Variants in ABHD16A observed in about 807,000 individuals in gnomAD.
ABHD16A encodes abhydrolase domain containing 16A, phospholipase, also known as phosphatidylserine lipase ABHD16A.
Under a neutral mutation model 89.8 loss-of-function variants are expected in ABHD16A, and 47 were observed. The ratio of observed to expected loss-of-function variants is 0.52; its 90% confidence interval spans 0.41 to 0.67. The LOEUF (loss-of-function observed/expected upper bound fraction) is 0.67. Ranked by LOEUF, ABHD16A falls within the 30% of genes least tolerant of loss-of-function variation. The pLI is 0.00. For missense variants in ABHD16A, 580 were observed against 734.6 expected, an observed-to-expected ratio of 0.79 and a Z score of 2.43; for synonymous variants, 251 against 280.4, an observed-to-expected ratio of 0.90 and a Z score of 1.05.
At chr6:31,703,061 A>G (rs1246680407) in intron 1 of ABHD16A, 89 bp downstream of exon 1, 2 of 1,371,336 alleles carry the variant, frequency 1.5e-6, no homozygotes, top group South Asian at 2.1e-5. Context: ...GGCTCCCCTT[A>G]TTTCCCATTA....
chr6:31,701,908 T>C (rs1805044441), intron 2 of ABHD16A, among the ~76,000 whole-genome samples, 166 bp downstream of exon 2: 1 of 152,164 alleles, frequency 6.6e-6, no homozygotes, highest in African/African-American at 2.4e-5. Flanking sequence ...GTGCCAAGTA[T>C]GCACATTTAG....
rs528237168 is a variant in ABHD16A at position 31,691,817 on chromosome 6, C to A, written c.728G>T (p.Arg243Leu). ...GGGAAGCCTCACCTCTTCCACCAGT[C>A]GGGCCTGGCCCTGCAGCAGCACAGG... ...LMPVLLQGQA[R>L]LVEECNGRRA... is the part of the protein sequence containing the mutation. The change falls in exon 8 of 20, where the codon CGA becomes CTA. Residue 243 changes from arginine (R) to leucine (L), a missense_variant. By Grantham distance (102) the Arg-to-Leu change is moderately radical (BLOSUM62 -2). Coordinates refer to ENST00000395952, the MANE Select transcript of ABHD16A (RefSeq NM_021160.3). The A allele has an allele frequency of 6.2e-7, 1 of 1,609,366 alleles. No individual in the cohort carries two copies.
chr6:31,692,983 G>A (rs1448720822), intron 7 of ABHD16A, 44 bp downstream of exon 7: 1 of 1,614,054 alleles, frequency 6.2e-7, no homozygotes, highest in South Asian at 1.1e-5. Context: ...CTCCTGAAAT[G>A]GCCCCTCCAC....
chr6:31,688,890 G>A lies in ABHD16A; in HGVS notation c.1187-104C>T. 3 of 1,430,140 alleles carry A rather than the reference G, an allele frequency of 2.1e-6. No individual in the cohort carries two copies. Among genetic ancestry groups the A allele is most frequent in the Non-Finnish European group, 2.9e-6 (3 of 1,036,914 alleles). 88.6% of individuals were successfully genotyped at this position (1,430,140 alleles called of 1,614,324 possible). A position where few individuals can be genotyped will look rare whatever the true frequency, so the allele number is the denominator to read the frequency against. On this transcript the variant is annotated intron_variant, in intron 13 of 19. Transcript: ENST00000395952. This position sits in a 1 kb window ranked among gnomAD's most constrained non-coding sequence, Gnocchi z 4.9. ...AGAAAACTGAGGCCCCCAGACAAAG[G>A]AGTCCTCCTGCTTCCAACAATGGGG...
chr6:31,695,063 G>C (rs897459507), intron 5 of ABHD16A, among the ~76,000 whole-genome samples: 7 of 152,130 alleles, frequency 4.6e-5, no homozygotes, highest in Non-Finnish European at 1.5e-5. Context: ...AAATGCTTCA[G>C]CCAGTAGCAT....
Position 31,688,961 on chromosome 6 carries a change from C to T in ABHD16A, c.1186+54G>A. ...AAAAGGGAGCCATCTCAGAACAGTT[C>T]CCAGTTCCAGCCCACCCCTTCCCAG... is the stretch of plus-strand genomic sequence containing the variant. On this transcript the variant is annotated intron_variant, in intron 13 of 19. Transcript: ENST00000395952. The surrounding 1 kb of genome is among the most constrained non-coding windows in gnomAD (Gnocchi z 4.9). The T allele has an allele frequency of 6.5e-7, 1 of 1,547,374 alleles. No individual in the cohort carries two copies. Among genetic ancestry groups the T allele is most frequent in the East Asian group, 2.3e-5 (1 of 44,012 alleles).
chr6:31,690,728 C>A lies in ABHD16A; in HGVS notation c.844-126G>T. 1 of 807,166 alleles carries A rather than the reference C, an allele frequency of 1.2e-6. No homozygotes were observed. Among genetic ancestry groups the A allele is most frequent in the Non-Finnish European group, 2.1e-6 (1 of 480,946 alleles). 50.0% of individuals were successfully genotyped at this position (807,166 alleles called of 1,614,324 possible). ...GGAAAGGGCAGGTTTCTGTTTTCTC[C>A]AAGGGGAATGGAAGCTTCTCATTCC... On this transcript the variant is annotated intron_variant, in intron 9 of 19. Transcript: ENST00000395952. The surrounding 1 kb of genome is among the most constrained non-coding windows in gnomAD (Gnocchi z 4.1).
At chr6:31,702,312 T>C (rs954802974) in intron 1 of ABHD16A, among the ~76,000 whole-genome samples, 182 bp from the exon 2 acceptor site, 3 of 152,124 alleles carry the variant, frequency 2.0e-5, no homozygotes, top group African/African-American at 7.2e-5. Context: ...TTCCCACCCC[T>C]GACCATGGGA....
At position 31,688,019 on chromosome 6, in the gene ABHD16A, G is replaced by A. The variant is rs138712884; in HGVS notation, c.1370+22C>T. On this transcript the variant is annotated intron_variant, in intron 16 of 19. Transcript: ENST00000395952. This position sits in a 1 kb window ranked among gnomAD's most constrained non-coding sequence, Gnocchi z 4.9. Reference sequence around the variant, plus strand: ...TCTGTGTGTGTACACTGCCCCCAGCGCGCACACACCCTGGCTCTCACCGAT... The same window carrying A: ...TCTGTGTGTGTACACTGCCCCCAGCACGCACACACCCTGGCTCTCACCGAT... 327 of 1,611,658 alleles carry A rather than the reference G, an allele frequency of 2.0e-4. 1 individual carries two copies. In the East Asian group the frequency reaches 5.6e-3, roughly 28 times the overall value.
Position 31,690,102 on chromosome 6 carries a change from A to T in ABHD16A, c.933T>A (p.Asn311Lys). 6.2e-7 allele frequency: 1 copy of T among 1,600,462 alleles called. No homozygotes were observed. The highest frequency in any genetic ancestry group is 8.5e-7 in the Non-Finnish European group (1 of 1,174,008). The change falls in exon 11 of 20, where the codon AAT (asparagine) becomes AAA (lysine). Residue 311 changes from asparagine (N) to lysine (K), a missense_variant. Physicochemically the swap from Asn to Lys is moderately conservative, Grantham distance 94. Around this residue, in one of 2 missense-constraint regions of ABHD16A, gnomAD observed 415 missense variants for 568.8 expected, o/e 0.73. Coordinates refer to ENST00000395952, the MANE Select transcript of ABHD16A (RefSeq NM_021160.3). This position sits in a 1 kb window ranked among gnomAD's most constrained non-coding sequence, Gnocchi z 4.1. ...CCGTGCTTCCAGCAAAGCCTGGATG[A>T]TTCCAGCCCAGGACTGAATATCCAG... Reference protein sequence around the residue: ...LEAGYSVLGWNHPGFAGSTGV... With the variant: ...LEAGYSVLGWKHPGFAGSTGV...
At chr6:31,701,606 A>C (rs1205930815) in intron 2 of ABHD16A, among the ~76,000 whole-genome samples, 1 of 152,100 alleles carries the variant, frequency 6.6e-6, no homozygotes, top group Non-Finnish European at 1.5e-5. Context: ...TCCAGACATA[A>C]TTCCATCACA....
chr6:31,703,317 G>A lies in ABHD16A; in HGVS notation c.-36C>T, dbSNP rs549478710. 4.9e-5 allele frequency: 65 copies of A among 1,336,348 alleles called. No homozygotes were observed. Among genetic ancestry groups the A allele is most frequent in the Non-Finnish European group, 6.0e-5 (62 of 1,032,590 alleles). The allele number at this position is 1,336,348 out of a possible 1,614,324, so 82.8% of individuals were successfully genotyped here. A position where few individuals can be genotyped will look rare whatever the true frequency, so the allele number is the denominator to read the frequency against. ...CGGGCCGCTGCTCTTCCAGCAGCAG[G>A]TCCCCCTGCCGGCCCCGCCCTCCCT... is the stretch of plus-strand genomic sequence containing the variant. On this transcript the variant is annotated 5_prime_UTR_variant, in exon 1 of 20. Transcript: ENST00000395952.
chr6:31,688,443 G>A lies in ABHD16A; in HGVS notation c.1251-138C>T. The A allele has an allele frequency of 1.1e-6, 1 of 921,274 alleles. No homozygotes were observed. The highest frequency in any genetic ancestry group is 1.7e-6 in the Non-Finnish European group (1 of 590,118). 57.1% of individuals were successfully genotyped at this position (921,274 alleles called of 1,614,324 possible). A position where few individuals can be genotyped will look rare whatever the true frequency, so the allele number is the denominator to read the frequency against. On this transcript the variant is annotated intron_variant, in intron 14 of 19. Transcript: ENST00000395952. The surrounding 1 kb of genome is among the most constrained non-coding windows in gnomAD (Gnocchi z 4.9). ...CCCTTGACCTAGCCCTTCACTCAGG[G>A]GTGAGAGGGGATTATTTAAGGGGCA...
intron 9 of ABHD16A, among the ~76,000 whole-genome samples, chr6:31,691,287 G>C (rs1454417735): frequency 6.6e-6 from 1 of 152,066 alleles, no homozygotes; most frequent in Non-Finnish European, 1.5e-5. Flanking sequence ...ATTCTTTTGA[G>C]AATTAAATAT....
chr6:31,689,424 A>T (rs1245240910), intron 12 of ABHD16A, among the ~76,000 whole-genome samples, 157 bp downstream of exon 12: 1 of 152,120 alleles, frequency 6.6e-6, no homozygotes, highest in African/African-American at 2.4e-5. Flanking sequence ...GGTGAAGTGT[A>T]TGCAAATAGG....
In ABHD16A at chr6:31,687,015, G is replaced by GA. The variant is rs1803355705; in HGVS notation, c.*196dup. 1.7e-6 allele frequency: 1 copy of GA among 593,984 alleles called. No homozygotes were observed. The highest frequency in any genetic ancestry group is 2.1e-5 in the South Asian group (1 of 46,630). The allele number at this position is 593,984 out of a possible 1,614,324, so 36.8% of individuals were successfully genotyped here. The stretch of plus-strand genomic sequence containing the variant: ...GGAATAATCCATTCATGTAATGCAG[G>GA]ATGTATGTTGGAGAAGGTTAAGTAC... On this transcript the variant is annotated 3_prime_UTR_variant, in exon 20 of 20. Transcript: ENST00000395952. This position sits in a 1 kb window ranked among gnomAD's most constrained non-coding sequence, Gnocchi z 6.3.
Position 31,688,675 on chromosome 6 carries a change from G to A in ABHD16A, c.1250+48C>T. 6.2e-7 allele frequency: 1 copy of A among 1,603,620 alleles called. No individual in the cohort carries two copies. The highest frequency in any genetic ancestry group is 1.1e-5 in the South Asian group (1 of 90,866). ...TTTCAGGGTTTGAGCGCCCAGCAGAGCTGTATGGGGGGCAGGTGTTCAATG... is the reference window on the plus strand; with the variant it reads ...TTTCAGGGTTTGAGCGCCCAGCAGAACTGTATGGGGGGCAGGTGTTCAATG... On this transcript the variant is annotated intron_variant, in intron 14 of 19. Transcript: ENST00000395952. The surrounding 1 kb of genome is among the most constrained non-coding windows in gnomAD (Gnocchi z 4.9).
At position 31,701,279 on chromosome 6, in the gene ABHD16A, C is replaced by A. The variant is rs373089851; in HGVS notation, c.251G>T (p.Arg84Met). 2.0e-5 allele frequency: 33 copies of A among 1,612,968 alleles called. No individual in the cohort carries two copies. Among genetic ancestry groups the A allele is most frequent in the Non-Finnish European group, 2.7e-5 (32 of 1,179,322 alleles). The change falls in exon 3 of 20, where the codon AGG becomes ATG. Residue 84 changes from arginine to methionine, a missense_variant. Around this residue, in one of 2 missense-constraint regions of ABHD16A, gnomAD observed 165 missense variants for 165.8 expected, o/e 1.00. Transcript: ENST00000395952. ...SSPFAFFYLY[R>M]KGYLSLSKVV... is the part of the protein sequence containing the mutation. ...ACCTTTGAAACCACACTGACCTTTC[C>A]TGTACAAGTAGAAGAAGGCGAAGGG...
intron 1 of ABHD16A, chr6:31,702,838 G>A (rs1466609236): frequency 7.2e-7 from 1 of 1,391,666 alleles, no homozygotes; most frequent in Non-Finnish European, 9.4e-7. Flanking sequence ...GTCCGCGCAG[G>A]GTCTCTTCCC....
Sources: allele counts gnomAD v4.1 joint callset (sites outside exome capture counted in the v4.1 genomes callset), GRCh38; gene constraint gnomAD v4.1.1; regional missense constraint gnomAD v4.1.1; non-coding constraint Gnocchi (gnomAD v3.1); transcripts MANE v1.5; gene names NCBI Gene and HGNC (gene_info 2026-07-23, HGNC 2026-07-21).